Variants in FN1 observed in about 807,000 individuals in gnomAD.
The protein encoded by FN1 is fibronectin.
A neutral mutation model predicts 297.3 loss-of-function variants in FN1; 106 were observed. The ratio of observed to expected loss-of-function variants is 0.36; its 90% CI spans 0.30 to 0.42. FN1 has a LOEUF of 0.42. Among genes scored for constraint, FN1 ranks in the 10% least tolerant of loss-of-function variants. The probability of loss-of-function intolerance (pLI) is 1.00; values close to 1 mark genes in which losing one functional copy is unlikely to be tolerated. For synonymous variants in FN1, 1,149 were observed against 1,152.6 expected (o/e 1.00, Z 0.06); for missense variants, 2,690 against 3,124.9 (o/e 0.86, Z 3.32).
intron 32 of FN1, chr2:215,381,562 C>T: frequency 4.4e-6 from 1 of 229,020 alleles, no homozygotes; most frequent in South Asian, 5.8e-5. Context: ...CAACTTCTGC[C>T]TCCTGGGTCC....
At chr2:215,433,243 G>C in intron 3 of FN1, 81 bp downstream of exon 3, 2 of 1,560,272 alleles carry the variant, frequency 1.3e-6, no homozygotes, top group Non-Finnish European at 1.8e-6. Flanking sequence ...TCCAGTCATG[G>C]ATAACAGAAA....
chr2:215,365,933 G>A lies in FN1; in HGVS notation c.7019-303C>T, dbSNP rs112504284. On this transcript the variant is annotated intron_variant, in intron 42 of 45. Transcript: ENST00000354785. ...CAGTTATCCTGCCTCAGCCTCCTGA[G>A]TAGCTGGGATTACAGGCACTCCCCA... Among the ~76,000 whole-genome samples, 756 of 147,872 alleles carry A rather than the reference G, an allele frequency of 5.1e-3. 6 individuals carry two copies. Among genetic ancestry groups the A allele is most frequent in the African/African-American group, 0.018 (720 of 40,064 alleles).
chr2:215,419,326 A>G lies in FN1; in HGVS notation c.1735T>C (p.Tyr579His). The G allele has an allele frequency of 6.2e-7, 1 of 1,613,290 alleles. No homozygotes were observed. The highest frequency in any genetic ancestry group is 1.1e-5 in the South Asian group (1 of 91,070). ...CACTGGTATCTGACACCATGCACATACTTCTCCCATGAATCTCCAATTTGA... is the reference window on the plus strand; with the variant it reads ...CACTGGTATCTGACACCATGCACATGCTTCTCCCATGAATCTCCAATTTGA... Reference protein sequence around the residue: ...FYQIGDSWEKYVHGVRYQCYC... With the variant: ...FYQIGDSWEKHVHGVRYQCYC... The change falls in exon 12 of 46, where the codon TAT becomes CAT. Residue 579 changes from tyrosine to histidine, a missense_variant. Physicochemically the swap from Tyr to His is moderately conservative, Grantham distance 83. Around this residue, in one of 3 missense-constraint regions of FN1, gnomAD observed 876 missense variants for 1,058.1 expected, o/e 0.83. Coordinates refer to ENST00000354785, the MANE Select transcript of FN1 (RefSeq NM_212482.4).
At chr2:215,428,396 CA>C (rs2065879740) in intron 5 of FN1, 58 bp from the exon 6 acceptor site, 9 of 1,521,244 alleles carry the variant, frequency 5.9e-6, no homozygotes, top group Non-Finnish European at 8.2e-6. Flanking sequence ...GTGGTCAATT[CA>C]AACTTAAAAA....
intron 7 of FN1, 82 bp from the exon 8 acceptor site, chr2:215,424,407 G>C: frequency 8.7e-7 from 1 of 1,154,652 alleles, no homozygotes; most frequent in Non-Finnish European, 1.3e-6. Flanking sequence ...GCTTCAATGA[G>C]ATACTGAGCT....
chr2:215,429,013 AAAAACAAAACAAAAC>A (rs202170833), intron 5 of FN1, among the ~76,000 whole-genome samples: 5 of 152,082 alleles, frequency 3.3e-5, no homozygotes, highest in Non-Finnish European at 7.4e-5. Context: ...AGACTGTCTC[AAAAACAAAACAAAAC>A]AAAACAAAAC....
chr2:215,364,918 G>T lies in FN1; in HGVS notation c.7212C>A (p.Leu2404=). 1 of 1,573,420 alleles carries T rather than the reference G, an allele frequency of 6.4e-7. No homozygotes were observed. The change falls in exon 44 of 46, where the codon CTC becomes CTA. Residue 2404 remains leucine (L), a synonymous_variant. Coordinates refer to ENST00000354785, the MANE Select transcript of FN1 (RefSeq NM_212482.4). ...AGCATGTGCAGGAGCAAATGGCACCGAGATATTCCTTCTGCCACTGTTCTC... is the reference window on the plus strand; with the variant it reads ...AGCATGTGCAGGAGCAAATGGCACCTAGATATTCCTTCTGCCACTGTTCTC... ...HVGEQWQKEY[L]GAICSCTCFG... is the part of the protein sequence containing the mutation.
chr2:215,392,881 C>T (rs375846772), intron 25 of FN1, 50 bp downstream of exon 25: 446 of 1,599,800 alleles, frequency 2.8e-4, no homozygotes, highest in Non-Finnish European at 3.6e-4. Context: ...TAACTGGTGG[C>T]AGCATGCAAC....
intron 5 of FN1, among the ~76,000 whole-genome samples, chr2:215,430,278 G>GTGC (rs2066267133): frequency 6.6e-6 from 1 of 152,150 alleles, no homozygotes; most frequent in Non-Finnish European, 1.5e-5. Context: ...ATCTTAGAAG[G>GTGC]AGCAGTAAAG....
At chr2:215,422,352 G>A (rs917589486) in intron 9 of FN1, 109 bp from the exon 10 acceptor site, 19 of 1,135,260 alleles carry the variant, frequency 1.7e-5, no homozygotes, top group Admixed American at 1.0e-4. Context: ...TTCTCACTTG[G>A]GAAGAAGCTT....
In FN1 at chr2:215,414,837, A is replaced by G; in HGVS notation, c.1941T>C (p.Pro647=). ...CAAGGTTTCTGGGTGGGATACTCAC[A>G]GGTCTCCACCTGAGAATGTACTTGG... The part of the protein sequence containing the change: ...HISKYILRWR[P]KNSVGRWKEA... The change falls in exon 13 of 46, where the codon CCT becomes CCC. Residue 647 remains proline (P), a splice_region_variant and synonymous_variant. Coordinates refer to ENST00000354785, the MANE Select transcript of FN1 (RefSeq NM_212482.4). The G allele has an allele frequency of 6.2e-7, 1 of 1,613,710 alleles. No individual in the cohort carries two copies. The highest frequency in any genetic ancestry group is 1.7e-4 in the Middle Eastern group (1 of 5,986).
At chr2:215,409,768 G>T in intron 14 of FN1, 29 bp from the exon 15 acceptor site, 1 of 1,613,028 alleles carries the variant, frequency 6.2e-7, no homozygotes. Flanking sequence ...GGGAAAGTCA[G>T]CCTTCAGTCA....
chr2:215,371,760 G>T, intron 40 of FN1, 149 bp downstream of exon 40: 2 of 680,786 alleles, frequency 2.9e-6, no homozygotes, highest in Non-Finnish European at 2.6e-6. Flanking sequence ...TGATCCACCT[G>T]CCTCGGCCTC....
At position 215,380,891 on chromosome 2, in the gene FN1, G is replaced by A. The variant is rs1559384134; in HGVS notation, c.5354C>T (p.Pro1785Leu). ...CACACTGACTGTGTACTCAGAACCCGGTCTGAGGCCTTGCAGCTCTGCAGT... is the reference window on the plus strand; with the variant it reads ...CACACTGACTGTGTACTCAGAACCCAGTCTGAGGCCTTGCAGCTCTGCAGT... ...EDTAELQGLR[P>L]GSEYTVSVVA... The change falls in exon 33 of 46, where the codon CCG becomes CTG. Residue 1785 changes from proline to leucine, a missense_variant. This residue lies in a region of FN1 where 1,743 missense variants were observed against 1,945.2 expected (regional missense o/e 0.90). Coordinates refer to ENST00000354785, the MANE Select transcript of FN1 (RefSeq NM_212482.4). 6 of 1,614,020 alleles carry A rather than the reference G, an allele frequency of 3.7e-6. No individual in the cohort carries two copies. The South Asian group carries it at 5.5e-5, about 15-fold the overall frequency.
At chr2:215,382,004 A>C in intron 32 of FN1, 3 of 543,936 alleles carry the variant, frequency 5.5e-6, no homozygotes, top group Non-Finnish European at 6.7e-6. Flanking sequence ...GCAACTAACT[A>C]TGGTGGTTTC....
At chr2:215,369,566 G>A (rs1429559716) in intron 41 of FN1, among the ~76,000 whole-genome samples, 1 of 152,128 alleles carries the variant, frequency 6.6e-6, no homozygotes, top group Non-Finnish European at 1.5e-5. Context: ...TGGAAGATTG[G>A]GGATTCACGG....
At chr2:215,421,968 T>G (rs140304123) in intron 10 of FN1, 123 bp downstream of exon 10, 26 of 931,932 alleles carry the variant, frequency 2.8e-5, no homozygotes, top group Middle Eastern at 4.2e-4. Flanking sequence ...AGTAGACTAA[T>G]GAATGACGTG....
intron 30 of FN1, 104 bp from the exon 31 acceptor site, chr2:215,383,587 C>T: frequency 2.6e-6 from 3 of 1,158,902 alleles, no homozygotes; most frequent in Admixed American, 3.5e-5. Context: ...TGATCGCTTA[C>T]ATGAGAAAGG....
rs1461466310 is a variant in FN1 at position 215,401,234 on chromosome 2, G to GAAAA, written c.3254-1884_3254-1883insTTTT. Among the ~76,000 whole-genome samples, 15 of 56,100 alleles carry GAAAA rather than the reference G, an allele frequency of 2.7e-4. 1 individual carries two copies. The highest frequency in any genetic ancestry group is 1.0e-3 in the African/African-American group (12 of 11,588). 36.8% of individuals were successfully genotyped at this position (56,100 alleles called of 152,430 possible). ...AGAAAGAAAGAAAGAAAGAAAGAAA[G>GAAAA]AAAGAAAGAAAGAAAGGAAGAAAGA... On this transcript the variant is annotated intron_variant, in intron 20 of 45. Transcript: ENST00000354785.
Sources: allele counts gnomAD v4.1 joint callset (sites outside exome capture counted in the v4.1 genomes callset), GRCh38; gene constraint gnomAD v4.1.1; regional missense constraint gnomAD v4.1.1; transcripts MANE v1.5; gene names NCBI Gene and HGNC (gene_info 2026-07-23, HGNC 2026-07-21).